The following HERC1 variants were observed in gnomAD, a reference collection of about 807,000 sequenced individuals.
HERC1 encodes the protein HECT and RLD domain containing E3 ubiquitin protein ligase family member 1, also known as probable E3 ubiquitin-protein ligase HERC1.
HERC1 carries 160 observed loss-of-function variants against 554.3 expected under a neutral mutation model. The ratio of observed to expected loss-of-function variants is 0.29; its 90% CI spans 0.25 to 0.33. The LOEUF is 0.33. HERC1 is among the 10% of genes least tolerant of loss of function. The pLI is 1.00. For synonymous variants in HERC1, 2,175 were observed against 2,131.7 expected (o/e 1.02, Z -0.56); for missense variants, 4,919 against 5,918.5 (o/e 0.83, Z 5.54).
At position 63,633,877 on chromosome 15, in the gene HERC1, C is replaced by G; in HGVS notation, c.12664G>C (p.Gly4222Arg). Residue 4222 changes from glycine to arginine, a missense_variant, in exon 67 of 78, where the codon GGA becomes CGA. Around this residue, in one of 11 missense-constraint regions of HERC1, gnomAD observed 410 missense variants for 467.0 expected, o/e 0.88. Transcript: ENST00000443617. ...GGTGAAGATTTTGCAGTGGAATTTC[C>G]TAAGCCTAGTTTTCCATAGTCTCCA... ...GDGDYGKLGL[G>R]NSTAKSSPQK... The G allele has an allele frequency of 6.2e-7, 1 of 1,613,494 alleles. No individual in the cohort carries two copies. The highest frequency in any genetic ancestry group is 8.5e-7 in the Non-Finnish European group (1 of 1,179,668).
rs978225464 is a variant in HERC1, at chr15:63,669,466, T to G, written c.8206+72A>C. On this transcript the variant is annotated intron_variant, in intron 40 of 77. Coordinates refer to ENST00000443617, the MANE Select transcript of HERC1 (RefSeq NM_003922.4). The stretch of plus-strand genomic sequence containing the variant: ...TACCTTCTGTGAAGACAAAACACAA[T>G]GCCCACATAATAAAGTCCCACACAT... The G allele has an allele frequency of 3.8e-5, 53 of 1,408,086 alleles. No individual in the cohort carries two copies. In the African/African-American group the frequency reaches 4.7e-4, roughly 12 times the overall value. 87.2% of individuals were successfully genotyped at this position (1,408,086 alleles called of 1,614,324 possible).
Position 63,756,561 on chromosome 15 carries a change from G to C in HERC1, c.1409C>G (p.Thr470Ser), listed in dbSNP as rs1448806016. ...VSSSKGSDGH[T>S]LAFTTEGEVF... ...TTCTCCTTCTGTCGTAAAGGCTAAA[G>C]TGTGACCATCAGATCCTTTAGAAGA... The change falls in exon 5 of 78, where the codon ACT (threonine) becomes AGT (serine). Residue 470 changes from threonine (T) to serine (S), a missense_variant. Physicochemically the swap from Thr to Ser is moderately conservative, Grantham distance 58 (BLOSUM62 1). Around this residue, in one of 11 missense-constraint regions of HERC1, gnomAD observed 744 missense variants for 1,090.0 expected, o/e 0.68. Coordinates refer to ENST00000443617, the MANE Select transcript of HERC1 (RefSeq NM_003922.4). The surrounding 1 kb of genome is among the most constrained non-coding windows in gnomAD (Gnocchi z 5.0). 6.2e-7 allele frequency: 1 copy of C among 1,613,922 alleles called. No individual in the cohort carries two copies. The highest frequency in any genetic ancestry group is 1.7e-5 in the Admixed American group (1 of 60,030).
Position 63,680,959 on chromosome 15 carries a change from A to C in HERC1, c.6226-183T>G, listed in dbSNP as rs1187795322. Among the ~76,000 whole-genome samples the C allele has an allele frequency of 6.6e-6, 1 of 152,238 alleles. No homozygotes were observed. The highest frequency in any genetic ancestry group is 2.4e-5 in the African/African-American group (1 of 41,460). On this transcript the variant is annotated intron_variant, in intron 34 of 77. Transcript: ENST00000443617. This position sits in a 1 kb window ranked among gnomAD's most constrained non-coding sequence, Gnocchi z 5.8. ...CATCAATTTAGAAAGATTTTAAAAC[A>C]TTCTTTATCTTGCAGGGCATTTAGA...
intron 2 of HERC1, among the ~76,000 whole-genome samples, chr15:63,772,896 T>C (rs149295956): frequency 6.6e-6 from 1 of 152,308 alleles, no homozygotes; most frequent in Admixed American, 6.5e-5. Context: ...TATGATAAAA[T>C]TGTAAAACAT....
In HERC1 at chr15:63,661,009, G is replaced by C. The variant is rs2070330220; in HGVS notation, c.9187C>G (p.Pro3063Ala). Residue 3063 changes from proline to alanine, a missense_variant, in exon 46 of 78, where the codon CCA becomes GCA. Pro to Ala is a conservative substitution (Grantham distance 27, BLOSUM62 -1). Coordinates refer to ENST00000443617, the MANE Select transcript of HERC1 (RefSeq NM_003922.4). Reference sequence around the variant, plus strand: ...CTGTCTTGCTTGCCAATTAGATCTGGAGCTTGTCCCTTGTACCTGCACCAA... The same window carrying C: ...CTGTCTTGCTTGCCAATTAGATCTGCAGCTTGTCCCTTGTACCTGCACCAA... ...TSSERYKGQA[P>A]DLIGKQDSVY... 4 of 1,612,378 alleles carry C rather than the reference G, an allele frequency of 2.5e-6. No individual in the cohort carries two copies. Among genetic ancestry groups the C allele is most frequent in the East Asian group, 4.5e-5 (2 of 44,828 alleles).
rs759570400 is a variant in HERC1, at chr15:63,829,479, AATAT to A, written c.-27+4344_-27+4347del. Among the ~76,000 whole-genome samples the A allele has an allele frequency of 1.2e-3, 103 of 87,602 alleles. 1 individual carries two copies. Among genetic ancestry groups the A allele is most frequent in the East Asian group, 4.3e-3 (18 of 4,218 alleles). The allele number at this position is 87,602 out of a possible 152,430, so 57.5% of individuals were successfully genotyped here. ...GTGTGTGCACATATATGTTTATATA[AATAT>A]ATATATATATATATATACACACACA... On this transcript the variant is annotated intron_variant, in intron 1 of 77. Transcript: ENST00000443617.
At chr15:63,828,039 T>A (rs750743848) in intron 1 of HERC1, among the ~76,000 whole-genome samples, 1 of 151,692 alleles carries the variant, frequency 6.6e-6, no homozygotes, top group Non-Finnish European at 1.5e-5. Context: ...CGGAATTAGA[T>A]AGTTGTGATG....
chr15:63,823,003 T>C, intron 1 of HERC1, among the ~76,000 whole-genome samples: 1 of 152,208 alleles, frequency 6.6e-6, no homozygotes, highest in Non-Finnish European at 1.5e-5. Context: ...TCATACCTTC[T>C]GTGTTGTACA....
rs942301251 is a variant in HERC1, at chr15:63,674,227, C to CA, written c.7846+114dup. 5.1e-3 allele frequency: 3,978 copies of CA among 786,064 alleles called. 35 individuals carry two copies. Among genetic ancestry groups the CA allele is most frequent in the African/African-American group, 0.045 (2,309 of 51,192 alleles). 48.7% of individuals were successfully genotyped at this position (786,064 alleles called of 1,614,324 possible). A position where few individuals can be genotyped will look rare whatever the true frequency, so the allele number is the denominator to read the frequency against. ...AAAATGATGTGAAAATTGCTTTGAC[C>CA]AAAAAAAAAATTTTTTTTTTTTTAC... is the stretch of plus-strand genomic sequence containing the variant. On this transcript the variant is annotated intron_variant, in intron 38 of 77. Coordinates refer to ENST00000443617, the MANE Select transcript of HERC1 (RefSeq NM_003922.4).
intron 3 of HERC1, among the ~76,000 whole-genome samples, chr15:63,761,201 CAAA>C (rs2075600209): frequency 6.6e-6 from 1 of 152,024 alleles, no homozygotes; most frequent in Non-Finnish European, 1.5e-5. Flanking sequence ...CTCAAACTAT[CAAA>C]AAGAATAGAC....
At chr15:63,814,593 A>T (rs1324262727) in intron 1 of HERC1, among the ~76,000 whole-genome samples, 1 of 152,182 alleles carries the variant, frequency 6.6e-6, no homozygotes, top group Non-Finnish European at 1.5e-5. Flanking sequence ...AGTAGCTGGG[A>T]TTACAGGCGT....
At chr15:63,763,585 T>G (rs1263170386) in intron 3 of HERC1, among the ~76,000 whole-genome samples, 4 of 151,980 alleles carry the variant, frequency 2.6e-5, no homozygotes, top group Non-Finnish European at 4.4e-5. Flanking sequence ...TTTCCTTTTT[T>G]TTTTTTTAAT....
At chr15:63,655,304 A>G (rs188220199) in intron 50 of HERC1, among the ~76,000 whole-genome samples, 22 of 152,344 alleles carry the variant, frequency 1.4e-4, no homozygotes, top group Non-Finnish European at 3.1e-4. Context: ...TACTGAGCCA[A>G]GATTGTGCCA....
Position 63,774,775 on chromosome 15 carries a change from T to C in HERC1, c.849A>G (p.Lys283=), listed in dbSNP as rs377207335. ...GASAVVHTME[K]GKLLSSQEGM... ...CTTCCTGGCTTGAGAGTAGTTTGCCTTTCTCCATGGTGTGTACAACTGCCG... is the reference window on the plus strand; with the variant it reads ...CTTCCTGGCTTGAGAGTAGTTTGCCCTTCTCCATGGTGTGTACAACTGCCG... The change falls in exon 2 of 78, where the codon AAA becomes AAG. Residue 283 remains lysine (K), a synonymous_variant. Transcript: ENST00000443617. The C allele has an allele frequency of 1.5e-5, 25 of 1,613,890 alleles. No homozygotes were observed. The highest frequency in any genetic ancestry group is 2.1e-5 in the Non-Finnish European group (25 of 1,179,890).
chr15:63,799,063 A>G (rs1224092822), intron 1 of HERC1, among the ~76,000 whole-genome samples: 4 of 152,236 alleles, frequency 2.6e-5, no homozygotes, highest in Non-Finnish European at 5.9e-5. Flanking sequence ...ATACTTGCAC[A>G]TTTAATTTTC....
intron 39 of HERC1, 95 bp downstream of exon 39, chr15:63,672,401 C>A: frequency 3.7e-6 from 3 of 807,276 alleles, no homozygotes; most frequent in South Asian, 4.9e-5. Context: ...TCTAGAACAC[C>A]AAGATTCAGT....
chr15:63,752,609 C>A, intron 8 of HERC1: 1 of 166,538 alleles, frequency 6.0e-6, no homozygotes, highest in Non-Finnish European at 1.3e-5. Flanking sequence ...ACCCTCTTGC[C>A]TTCTTAGTTC....
At position 63,756,872 on chromosome 15, in the gene HERC1, G is replaced by C. The variant is rs1327338250; in HGVS notation, c.1222-124C>G. 2 of 616,114 alleles carry C rather than the reference G, an allele frequency of 3.2e-6. No individual in the cohort carries two copies. Among genetic ancestry groups the C allele is most frequent in the Non-Finnish European group, 5.5e-6 (2 of 363,210 alleles). 38.2% of individuals were successfully genotyped at this position (616,114 alleles called of 1,614,324 possible). ...GCAGGATACGGCATGATTCTCCAGAGAGATTAAGGAATATACAGAAATCTA... is the reference window on the plus strand; with the variant it reads ...GCAGGATACGGCATGATTCTCCAGACAGATTAAGGAATATACAGAAATCTA... On this transcript the variant is annotated intron_variant, in intron 4 of 77. Transcript: ENST00000443617. The surrounding 1 kb of genome is among the most constrained non-coding windows in gnomAD (Gnocchi z 5.0).
intron 65 of HERC1, 145 bp from the exon 66 acceptor site, chr15:63,635,033 ATTTTT>A: frequency 4.2e-6 from 2 of 481,582 alleles, no homozygotes; most frequent in Non-Finnish European, 6.9e-6. Flanking sequence ...GCTTTTAAAA[ATTTTT>A]TTTTTTAATT....
Sources: allele counts gnomAD v4.1 joint callset (sites outside exome capture counted in the v4.1 genomes callset), GRCh38; gene constraint gnomAD v4.1.1; regional missense constraint gnomAD v4.1.1; non-coding constraint Gnocchi (gnomAD v3.1); transcripts MANE v1.5; gene names NCBI Gene and HGNC (gene_info 2026-07-23, HGNC 2026-07-21).